Variants in CASK observed in about 807,000 individuals in gnomAD.
CASK encodes the protein peripheral plasma membrane protein CASK.
Under a neutral mutation model 82.9 loss-of-function variants are expected in CASK, and 4 were observed. That is an observed-to-expected ratio of 0.05 (90% CI 0.02 to 0.11). The LOEUF (loss-of-function observed/expected upper bound fraction) is 0.11, where lower values mean the gene tolerates loss of function less well. Among genes scored for constraint, CASK ranks in the 10% least tolerant of loss-of-function variants. The pLI is 1.00. For synonymous variants in CASK, 259 were observed against 253.5 expected (o/e 1.02, Z -0.20); for missense variants, 358 against 720.9 (o/e 0.50, Z 5.76).
chrX:41,633,411 G>A (rs1369555799), intron 9 of CASK, among the ~76,000 whole-genome samples: 1 of 110,362 alleles, frequency 9.1e-6, no homozygotes, highest in Non-Finnish European at 1.9e-5. Context: ...TGACAGCCAG[G>A]GTTAGAGTAC....
At chrX:41,788,441 A>G (rs1343338363) in intron 2 of CASK, among the ~76,000 whole-genome samples, 1 of 111,729 alleles carries the variant, frequency 9.0e-6, no homozygotes, top group Admixed American at 9.6e-5. Flanking sequence ...CCAATGTGAC[A>G]TTTTTATATT....
intron 17 of CASK, among the ~76,000 whole-genome samples, 161 bp from the exon 18 acceptor site, chrX:41,560,008 G>A (rs12856545): frequency 1.8e-5 from 2 of 112,408 alleles, no homozygotes; most frequent in Non-Finnish European, 3.8e-5. Context: ...GGGACTGCTC[G>A]AGTTAACAGT....
intron 2 of CASK, among the ~76,000 whole-genome samples, chrX:41,801,219 C>G (rs1175400767): frequency 1.8e-5 from 2 of 112,027 alleles, no homozygotes; most frequent in African/African-American, 6.5e-5. Flanking sequence ...CAGCTGGTGA[C>G]TAAGAGCAGC....
At chrX:41,703,684 G>A (rs895658184) in intron 5 of CASK, among the ~76,000 whole-genome samples, 1 of 112,524 alleles carries the variant, frequency 8.9e-6, no homozygotes, top group Non-Finnish European at 1.9e-5. Flanking sequence ...CAATGCCCAT[G>A]TGTGAAGTTT....
intron 5 of CASK, among the ~76,000 whole-genome samples, chrX:41,709,456 T>C (rs773241391): frequency 9.0e-6 from 1 of 111,621 alleles, no homozygotes; most frequent in Admixed American, 9.6e-5. Flanking sequence ...TAAACTAGAT[T>C]CTATTGAGTA....
At chrX:41,677,704 AT>A (rs1261623889) in intron 5 of CASK, among the ~76,000 whole-genome samples, 3 of 112,007 alleles carry the variant, frequency 2.7e-5, no homozygotes, top group Non-Finnish European at 5.6e-5. Flanking sequence ...GAGAAATGGG[AT>A]GTAGAAGAAA....
intron 8 of CASK, among the ~76,000 whole-genome samples, chrX:41,657,937 C>T (rs1219756146): frequency 9.0e-6 from 1 of 111,120 alleles, no homozygotes; most frequent in African/African-American, 3.3e-5. Context: ...ACTTTCAGCC[C>T]CACCCCTCAA....
chrX:41,891,053 AT>A (rs1311302225), intron 1 of CASK, among the ~76,000 whole-genome samples: 1 of 106,679 alleles, frequency 9.4e-6, no homozygotes, highest in Non-Finnish European at 1.9e-5. Flanking sequence ...ACACCCAGCT[AT>A]TTTTTTTTAA....
At chrX:41,555,009 T>C (rs1242765178) in intron 20 of CASK, among the ~76,000 whole-genome samples, 1 of 112,625 alleles carries the variant, frequency 8.9e-6, no homozygotes, top group Non-Finnish European at 1.9e-5. Flanking sequence ...GTCTCTGCAT[T>C]TGCATTTAAA....
chrX:41,649,130 T>C lies in CASK; in HGVS notation c.831+11309A>G, dbSNP rs2066817587. On this transcript the variant is annotated intron_variant, in intron 8 of 26. Transcript: ENST00000378163. The stretch of plus-strand genomic sequence containing the variant: ...CTTTATCATTTTTTATTGCGTCTAT[T>C]TGATTCTTCTCTCTTTTCTTATTAG... 3.6e-5 allele frequency among the ~76,000 whole-genome samples: 4 copies of C among 111,762 alleles called. No individual in the cohort carries two copies. In the Admixed American group the frequency reaches 3.8e-4, roughly 11 times the overall value.
intron 4 of CASK, among the ~76,000 whole-genome samples, chrX:41,742,052 G>T (rs991767707): frequency 8.9e-6 from 1 of 111,830 alleles, no homozygotes; most frequent in Admixed American, 9.5e-5. Flanking sequence ...GTCAATGCAG[G>T]TGAAAAGCCT....
intron 2 of CASK, among the ~76,000 whole-genome samples, chrX:41,798,640 G>C (rs5918246): frequency 0.16 from 17,801 of 111,615 alleles, 1,372 homozygotes; most frequent in Middle Eastern, 0.29. Context: ...TCTGAGACTA[G>C]CCTGGACAAC....
chrX:41,866,947 A>G (rs991291292), intron 1 of CASK, among the ~76,000 whole-genome samples: 2 of 111,670 alleles, frequency 1.8e-5, no homozygotes, highest in African/African-American at 3.3e-5. Flanking sequence ...CCTCATGCAC[A>G]CACATATACA....
chrX:41,551,732 T>C (rs2065099389), intron 21 of CASK, among the ~76,000 whole-genome samples: 1 of 107,770 alleles, frequency 9.3e-6, no homozygotes, highest in African/African-American at 3.4e-5. Context: ...CTGTCTCTAC[T>C]AAAAATATGT....
intron 3 of CASK, among the ~76,000 whole-genome samples, chrX:41,749,353 A>C (rs1413279052): frequency 9.3e-6 from 1 of 107,689 alleles, no homozygotes. Flanking sequence ...TTTGGCAAAA[A>C]AAAATCTCAT....
chrX:41,642,678 T>A, intron 8 of CASK, among the ~76,000 whole-genome samples: 1 of 112,061 alleles, frequency 8.9e-6, no homozygotes, highest in Non-Finnish European at 1.9e-5. Context: ...TTGTAAAAAT[T>A]TTCTCCCATT....
At chrX:41,771,076 C>T (rs759639979) in intron 3 of CASK, among the ~76,000 whole-genome samples, 3 of 112,107 alleles carry the variant, frequency 2.7e-5, no homozygotes, top group South Asian at 3.7e-4. Context: ...AACACACATA[C>T]GCACACTCTT....
intron 18 of CASK, among the ~76,000 whole-genome samples, chrX:41,557,301 T>C (rs910453228): frequency 2.7e-5 from 3 of 111,936 alleles, no homozygotes; most frequent in African/African-American, 9.7e-5. Context: ...TTTTAAGTGA[T>C]GACTGTGTCA....
At chrX:41,635,532 T>G (rs1039728953) in intron 9 of CASK, among the ~76,000 whole-genome samples, 1 of 111,489 alleles carries the variant, frequency 9.0e-6, no homozygotes, top group Non-Finnish European at 1.9e-5. Flanking sequence ...TCTAAGAAGT[T>G]AAGATAATCA....
Sources: gnomAD v4.1 joint callset for allele counts (sites outside exome capture counted in the v4.1 genomes callset) on GRCh38, gnomAD v4.1.1 for gene constraint, MANE v1.5 for transcripts, NCBI Gene and HGNC (gene_info 2026-07-23, HGNC 2026-07-21) for gene names.